The following TENM3 variants were observed in gnomAD, a reference collection of about 807,000 sequenced individuals.
TENM3 encodes teneurin-3.
Under a neutral mutation model 255.1 loss-of-function variants are expected in TENM3, and 63 were observed. That is an observed-to-expected ratio of 0.25 (90% confidence interval 0.20 to 0.30). The LOEUF (loss-of-function observed/expected upper bound fraction) is 0.30. Ranked by LOEUF, TENM3 falls within the 10% of genes least tolerant of loss-of-function variation. The probability of loss-of-function intolerance (pLI) is 1.00; values close to 1 mark genes in which losing one functional copy is unlikely to be tolerated. For missense variants in TENM3, 2,929 were observed against 3,461.1 expected (o/e 0.85, Z 3.86); for synonymous variants, 1,306 against 1,322.3 (o/e 0.99, Z 0.27).
rs1203308610 is a variant in TENM3 at position 182,319,659 on chromosome 4, T to C, written c.-75-4287T>C. Among the ~76,000 whole-genome samples, 3 of 152,216 alleles carry C rather than the reference T, an allele frequency of 2.0e-5. No individual in the cohort carries two copies. In the South Asian group the frequency reaches 6.2e-4, roughly 32 times the overall value. Reference sequence around the variant, plus strand: ...ATCTTTCCATTACTAGGTGTTAACATTTAGTTGGTATTGATTTATAAACTT... The same window carrying C: ...ATCTTTCCATTACTAGGTGTTAACACTTAGTTGGTATTGATTTATAAACTT... On this transcript the variant is annotated intron_variant, in intron 1 of 27. Transcript: ENST00000511685.
intron 4 of TENM3, among the ~76,000 whole-genome samples, chr4:182,605,663 T>C (rs576774775): frequency 9.8e-5 from 15 of 152,318 alleles, no homozygotes; most frequent in South Asian, 2.1e-4. Flanking sequence ...GAGGGAGATA[T>C]AAAGTTCAAG....
chr4:182,779,466 C>T (rs1164782505), intron 24 of TENM3, among the ~76,000 whole-genome samples: 1 of 152,116 alleles, frequency 6.6e-6, no homozygotes, highest in East Asian at 1.9e-4. Context: ...CGTTGTTGGA[C>T]ATTTGGGTTG....
intron 1 of TENM3, among the ~76,000 whole-genome samples, chr4:182,149,314 A>C (rs1200825352): frequency 6.6e-6 from 1 of 152,052 alleles, no homozygotes; most frequent in Non-Finnish European, 1.5e-5. Flanking sequence ...TGAGATACAC[A>C]GATGTTTCGT....
chr4:182,545,683 C>T (rs1225511018), intron 3 of TENM3, among the ~76,000 whole-genome samples: 1 of 152,124 alleles, frequency 6.6e-6, no homozygotes, highest in African/African-American at 2.4e-5. Flanking sequence ...GACTCTGCCC[C>T]TGTCAACTGG....
chr4:182,671,076 C>T (rs1054850308), intron 6 of TENM3, among the ~76,000 whole-genome samples: 4 of 152,134 alleles, frequency 2.6e-5, no homozygotes, highest in South Asian at 2.1e-4. Flanking sequence ...ACAGATGCCA[C>T]GTCCCTTCCC....
intron 3 of TENM3, among the ~76,000 whole-genome samples, chr4:182,465,190 A>C (rs748348730): frequency 1.3e-5 from 2 of 152,230 alleles, no homozygotes; most frequent in Non-Finnish European, 2.9e-5. Flanking sequence ...AAATATTTGC[A>C]CTGGGTTTAT....
chr4:182,528,566 A>G (rs1212519169), intron 3 of TENM3, among the ~76,000 whole-genome samples: 4 of 152,244 alleles, frequency 2.6e-5, no homozygotes, highest in Non-Finnish European at 5.9e-5. Flanking sequence ...ATCTGAGAAC[A>G]AACAGGAGTC....
chr4:181,592,266 C>CACACACACACACACACACAT, the TENM3 span, among the ~76,000 whole-genome samples: 1 of 151,616 alleles, frequency 6.6e-6, no homozygotes, highest in Non-Finnish European at 1.5e-5. Flanking sequence ...AACACACACA[C>CACACACACACACACACACAT]ACACACACAC....
At chr4:181,642,773 A>G in the TENM3 span, among the ~76,000 whole-genome samples, 2 of 152,124 alleles carry the variant, frequency 1.3e-5, no homozygotes, top group East Asian at 1.9e-4. Context: ...TCCTTTCCAC[A>G]TTGCTTGTTT....
the TENM3 span, among the ~76,000 whole-genome samples, chr4:181,751,887 G>A: frequency 6.6e-6 from 1 of 152,214 alleles, no homozygotes; most frequent in East Asian, 1.9e-4. Flanking sequence ...AGAAAAGAAG[G>A]CACAGAGCCA....
chr4:181,957,756 C>G, the TENM3 span, among the ~76,000 whole-genome samples: 1 of 152,116 alleles, frequency 6.6e-6, no homozygotes, highest in Non-Finnish European at 1.5e-5. Context: ...ACCATTGAAT[C>G]TGGGTCCAGT....
At chr4:182,722,775 C>T (rs1447992087) in intron 13 of TENM3, among the ~76,000 whole-genome samples, 4 of 152,156 alleles carry the variant, frequency 2.6e-5, no homozygotes, top group Admixed American at 6.5e-5. Context: ...TGGGAAAACA[C>T]ACTGTTGTTA....
At chr4:182,642,150 C>T (rs1752370909) in intron 5 of TENM3, among the ~76,000 whole-genome samples, 1 of 152,224 alleles carries the variant, frequency 6.6e-6, no homozygotes, top group Non-Finnish European at 1.5e-5. Context: ...TGGCTGACCC[C>T]TTTGGGCAGC....
chr4:182,115,723 A>C, the TENM3 span, among the ~76,000 whole-genome samples: 1 of 152,142 alleles, frequency 6.6e-6, no homozygotes, highest in Non-Finnish European at 1.5e-5. Flanking sequence ...CAATGGTTTT[A>C]GCTTGGTTAT....
the TENM3 span, among the ~76,000 whole-genome samples, chr4:181,836,097 G>A: frequency 2.5e-4 from 38 of 151,914 alleles, no homozygotes; most frequent in Non-Finnish European, 5.0e-4. Flanking sequence ...GAGGACAAAA[G>A]TGACTCTCAT....
chr4:181,795,791 T>C, the TENM3 span, among the ~76,000 whole-genome samples: 1 of 152,048 alleles, frequency 6.6e-6, no homozygotes, highest in African/African-American at 2.4e-5. Context: ...AAAGAGGATA[T>C]TATATGCCAT....
the TENM3 span, among the ~76,000 whole-genome samples, chr4:181,558,303 A>G: frequency 6.6e-6 from 1 of 152,220 alleles, no homozygotes; most frequent in Non-Finnish European, 1.5e-5. Context: ...ACAGAGTATG[A>G]TGTCCTGTCA....
chr4:182,668,478 G>C (rs949626433), intron 6 of TENM3, among the ~76,000 whole-genome samples: 2 of 152,124 alleles, frequency 1.3e-5, no homozygotes, highest in Non-Finnish European at 2.9e-5. Flanking sequence ...CGAAGATTCT[G>C]TGGTGTTATG....
At chr4:182,360,690 G>A (rs909525972) in intron 3 of TENM3, among the ~76,000 whole-genome samples, 40 of 152,048 alleles carry the variant, frequency 2.6e-4, no homozygotes, top group African/African-American at 9.7e-4. Flanking sequence ...GCCAGTCTGT[G>A]TCTTTTAATT....
Sources: gnomAD v4.1 joint callset for allele counts (sites outside exome capture counted in the v4.1 genomes callset) on GRCh38, gnomAD v4.1.1 for gene constraint, MANE v1.5 for transcripts, NCBI Gene and HGNC (gene_info 2026-07-23, HGNC 2026-07-21) for gene names.